SMC4: variants seen among roughly 807,000 people sequenced by gnomAD.
SMC4 encodes the protein structural maintenance of chromosomes 4, also known as structural maintenance of chromosomes protein 4.
In SMC4, 87 loss-of-function variants were observed where a neutral mutation model predicts 145.6. The observed-to-expected ratio is 0.60, with a 90% CI of 0.50 to 0.71. The LOEUF (loss-of-function observed/expected upper bound fraction) is 0.71. Among genes scored for constraint, SMC4 ranks in the 30% least tolerant of loss-of-function variants. The probability of loss-of-function intolerance (pLI) is 0.00; values close to 1 mark genes in which losing one functional copy is unlikely to be tolerated. For synonymous variants in SMC4, 558 were observed against 500.7 expected, an observed-to-expected ratio of 1.11 and a Z score of -1.53; for missense variants, 1,447 against 1,537.1, an observed-to-expected ratio of 0.94 and a Z score of 0.98.
chr3:160,423,904 T>C (rs959924686), intron 15 of SMC4, 64 bp downstream of exon 15: 28 of 1,313,096 alleles, frequency 2.1e-5, no homozygotes, highest in Non-Finnish European at 2.7e-5. Context: ...CCGAGGTATA[T>C]ACTTACTACA....
Position 160,430,742 on chromosome 3 carries a change from A to G in SMC4, c.2939A>G (p.Glu980Gly). The change falls in exon 19 of 24, where the codon GAG (glutamate) becomes GGG (glycine). Residue 980 changes from glutamate (E) to glycine (G), a missense_variant and splice_region_variant. Glu to Gly is a moderately conservative substitution (Grantham distance 98). Coordinates refer to ENST00000357388, the MANE Select transcript of SMC4 (RefSeq NM_001002800.3). ...AEVVKNTNAA[E>G]ESLPEIQKEH... ...GTCGTAAAGAATACAAATGCTGCAG[A>G]GGTATGAGTTGCTTTGTATTGAAGA... The G allele has an allele frequency of 1.2e-6, 2 of 1,608,572 alleles. No homozygotes were observed. The highest frequency in any genetic ancestry group is 1.1e-5 in the South Asian group (1 of 89,958).
intron 9 of SMC4, among the ~76,000 whole-genome samples, chr3:160,414,767 G>A (rs1270216817): frequency 3.9e-5 from 6 of 152,042 alleles, no homozygotes; most frequent in East Asian, 1.9e-4. Flanking sequence ...CCAGGCTAGC[G>A]TGCAGTGGTA....
chr3:160,423,035 G>A (rs1174617502), intron 13 of SMC4, among the ~76,000 whole-genome samples: 2 of 152,088 alleles, frequency 1.3e-5, no homozygotes, highest in African/African-American at 4.8e-5. Flanking sequence ...TTGCAGCATT[G>A]TAATAAGTTT....
chr3:160,430,879 C>T (rs1468031724), intron 19 of SMC4, 136 bp downstream of exon 19: 30 of 1,222,902 alleles, frequency 2.5e-5, no homozygotes, highest in Non-Finnish European at 3.3e-5. Flanking sequence ...TTTATTTGTA[C>T]AATAAGAATA....
At chr3:160,429,722 T>C (rs1355342990) in intron 18 of SMC4, among the ~76,000 whole-genome samples, 1 of 149,622 alleles carries the variant, frequency 6.7e-6, no homozygotes, top group Non-Finnish European at 1.5e-5. Context: ...TTTTTTTTTT[T>C]TTTTTTTTCT....
chr3:160,424,624 T>C (rs919380610), intron 15 of SMC4, among the ~76,000 whole-genome samples: 4 of 152,066 alleles, frequency 2.6e-5, no homozygotes, highest in African/African-American at 9.7e-5. Context: ...CTGGCCAACA[T>C]AGGGAAACCA....
At chr3:160,416,230 T>C in intron 9 of SMC4, 21 bp from the exon 10 acceptor site, 2 of 1,546,472 alleles carry the variant, frequency 1.3e-6, no homozygotes, top group Non-Finnish European at 1.7e-6. Flanking sequence ...TATGCTCCTA[T>C]AACTTGTTTT....
At chr3:160,406,478 G>A (rs1315322848) in intron 5 of SMC4, among the ~76,000 whole-genome samples, 4 of 152,016 alleles carry the variant, frequency 2.6e-5, no homozygotes, top group Non-Finnish European at 2.9e-5. Flanking sequence ...GTAAAAATGT[G>A]ATTTTTATTA....
intron 18 of SMC4, 36 bp from the exon 19 acceptor site, chr3:160,430,563 T>G (rs1718292758): frequency 6.6e-7 from 1 of 1,511,026 alleles, no homozygotes; most frequent in Non-Finnish European, 8.9e-7. Context: ...ACAAATCACC[T>G]TACCACATTT....
chr3:160,424,026 T>TA (rs1328058189), intron 15 of SMC4, among the ~76,000 whole-genome samples, 186 bp downstream of exon 15: 5 of 152,214 alleles, frequency 3.3e-5, no homozygotes, highest in African/African-American at 1.2e-4. Flanking sequence ...AACAAAATAT[T>TA]AATCAGAAAC....
chr3:160,426,046 G>A, intron 16 of SMC4, 28 bp from the exon 17 acceptor site: 1 of 1,520,390 alleles, frequency 6.6e-7, no homozygotes, highest in African/African-American at 1.4e-5. Flanking sequence ...TTAAAATATT[G>A]ACCTTAAATG....
At chr3:160,420,935 A>AT (rs759064708) in intron 13 of SMC4, 34 bp downstream of exon 13, 101,007 of 1,108,794 alleles carry the variant, frequency 0.091, no homozygotes, top group South Asian at 0.11. Context: ...TATAATTGGA[A>AT]TTTTTTTTTT....
rs1183320461 is a variant in SMC4, at chr3:160,434,719, T to C, written c.*910T>C. 1 of 152,244 alleles carries C rather than the reference T, an allele frequency of 6.6e-6. No homozygotes were observed. The highest frequency in any genetic ancestry group is 1.5e-5 in the Non-Finnish European group (1 of 68,034). The allele number at this position is 152,244 out of a possible 1,614,324, so 9.4% of individuals were successfully genotyped here. A position where few individuals can be genotyped will look rare whatever the true frequency, so the allele number is the denominator to read the frequency against. On this transcript the variant is annotated 3_prime_UTR_variant, in exon 24 of 24. Coordinates refer to ENST00000357388, the MANE Select transcript of SMC4 (RefSeq NM_001002800.3). ...ATGTTATAATGCTAAGGGACATAAGTTGGCAACCACTTGGTTTTTGGAAGG... is the reference window on the plus strand; with the variant it reads ...ATGTTATAATGCTAAGGGACATAAGCTGGCAACCACTTGGTTTTTGGAAGG...
chr3:160,432,924 A>G, intron 22 of SMC4, 102 bp from the exon 23 acceptor site: 3 of 770,930 alleles, frequency 3.9e-6, no homozygotes, highest in Non-Finnish European at 6.4e-6. Flanking sequence ...CAAGTTACAG[A>G]TTCCTAAAAA....
At position 160,406,402 on chromosome 3, in the gene SMC4, G is replaced by GT. The variant is rs1026151853; in HGVS notation, c.687+1906dup. Among the ~76,000 whole-genome samples the GT allele has an allele frequency of 1.4e-4, 21 of 151,766 alleles. 1 individual carries two copies. The highest frequency in any genetic ancestry group is 9.9e-4 in the Admixed American group (15 of 15,228). On this transcript the variant is annotated intron_variant, in intron 5 of 23. Transcript: ENST00000357388. ...AAAGTGACAATGGTTTCTATGGATT[G>GT]TTTTTTTTAAGTCGCTTATGAAAAT...
chr3:160,430,878 A>G, intron 19 of SMC4, 135 bp downstream of exon 19: 1 of 1,231,548 alleles, frequency 8.1e-7, no homozygotes. Flanking sequence ...TTTTATTTGT[A>G]CAATAAGAAT....
At chr3:160,432,555 T>G in intron 22 of SMC4, 40 bp downstream of exon 22, 1 of 1,238,002 alleles carries the variant, frequency 8.1e-7, no homozygotes, top group Non-Finnish European at 1.1e-6. Flanking sequence ...ACTGTTACCT[T>G]TTTCTACATA....
In SMC4 at chr3:160,431,771, C is replaced by G; in HGVS notation, c.3243C>G (p.Ala1081=). ...CAAATCAAATTGCACTTTTGGAAGCCCGGTGTCATGAAATGAAACCAAACC... is the reference window on the plus strand; with the variant it reads ...CAAATCAAATTGCACTTTTGGAAGCGCGGTGTCATGAAATGAAACCAAACC... ...SITNQIALLE[A]RCHEMKPNLG... The change falls in exon 21 of 24, where the codon GCC becomes GCG. Residue 1081 remains alanine (A), a synonymous_variant. Coordinates refer to ENST00000357388, the MANE Select transcript of SMC4 (RefSeq NM_001002800.3). 1 of 1,613,662 alleles carries G rather than the reference C, an allele frequency of 6.2e-7. No individual in the cohort carries two copies. Among genetic ancestry groups the G allele is most frequent in the Non-Finnish European group, 8.5e-7 (1 of 1,179,940 alleles).
At chr3:160,409,078 A>G (rs1715664070) in intron 5 of SMC4, among the ~76,000 whole-genome samples, 1 of 140,342 alleles carries the variant, frequency 7.1e-6, no homozygotes, top group Admixed American at 6.9e-5. Context: ...CATCCTGGCT[A>G]ACACGGTGAA....
Sources: gnomAD v4.1 joint callset for allele counts (sites outside exome capture counted in the v4.1 genomes callset) on GRCh38, gnomAD v4.1.1 for gene constraint, MANE v1.5 for transcripts, NCBI Gene and HGNC (gene_info 2026-07-23, HGNC 2026-07-21) for gene names.